The following CLEC4C variants were observed in gnomAD, a reference collection of about 807,000 sequenced individuals.
CLEC4C encodes C-type lectin domain family 4 member C.
In CLEC4C, 17 loss-of-function variants were observed where a neutral mutation model predicts 27.7. The observed-to-expected ratio is 0.61, with a 90% CI of 0.42 to 0.92. The LOEUF is 0.92. Ranked by LOEUF, CLEC4C falls within the 40% of genes least tolerant of loss-of-function variation. The probability of loss-of-function intolerance (pLI) is 0.00; values close to 1 mark genes in which losing one functional copy is unlikely to be tolerated. For synonymous variants in CLEC4C, 80 were observed against 80.8 expected (o/e 0.99, Z 0.06); for missense variants, 244 against 257.3 (o/e 0.95, Z 0.35).
intron 4 of CLEC4C, among the ~76,000 whole-genome samples, chr12:7,736,765 C>T (rs779494820): frequency 6.8e-4 from 103 of 151,934 alleles, no homozygotes; most frequent in African/African-American, 2.4e-3. Flanking sequence ...AAAAATTAGC[C>T]GGGCGTGGTG....
At chr12:7,743,130 A>G (rs928922481) in intron 2 of CLEC4C, among the ~76,000 whole-genome samples, 3 of 152,188 alleles carry the variant, frequency 2.0e-5, no homozygotes, top group African/African-American at 7.2e-5. Context: ...GTAGGTGTTC[A>G]GTAAGCATTT....
rs927474124 is a variant in CLEC4C at position 7,744,841 on chromosome 12, C to T, written c.124+1490G>A. Among the ~76,000 whole-genome samples the T allele has an allele frequency of 6.9e-4, 105 of 151,602 alleles. 2 individuals carry two copies. The Admixed American group carries it at 7.0e-3, about 10-fold the overall frequency. The stretch of plus-strand genomic sequence containing the variant: ...TGTTGCCCAGGCTGGTCTTGAACTC[C>T]TGTCCTCAAGCGATCCTCCCACCTG... On this transcript the variant is annotated intron_variant, in intron 2 of 5. Coordinates refer to ENST00000360345, the MANE Select transcript of CLEC4C (RefSeq NM_001371390.1).
At chr12:7,735,134 G>A (rs749166518) in intron 4 of CLEC4C, among the ~76,000 whole-genome samples, 1 of 151,908 alleles carries the variant, frequency 6.6e-6, no homozygotes, top group East Asian at 2.0e-4. Flanking sequence ...ACAGAAGTCA[G>A]AGGTTGCAGT....
At chr12:7,737,108 A>G (rs1040671299) in intron 4 of CLEC4C, among the ~76,000 whole-genome samples, 1 of 150,810 alleles carries the variant, frequency 6.6e-6, no homozygotes, top group African/African-American at 2.4e-5. Flanking sequence ...GTACATGCCT[A>G]TCCTCCCAGC....
At chr12:7,731,944 ACT>A (rs1338932881) in intron 4 of CLEC4C, among the ~76,000 whole-genome samples, 2 of 152,104 alleles carry the variant, frequency 1.3e-5, no homozygotes, top group African/African-American at 2.4e-5. Context: ...ACAGAATGAG[ACT>A]CTGTGTCCAA....
At chr12:7,744,311 C>A (rs1369810791) in intron 2 of CLEC4C, among the ~76,000 whole-genome samples, 2 of 152,194 alleles carry the variant, frequency 1.3e-5, no homozygotes, top group African/African-American at 4.8e-5. Context: ...ATAATTCTGC[C>A]TCTTGGGGTT....
In CLEC4C at chr12:7,741,095, T is replaced by G. The variant is rs190393011; in HGVS notation, c.235+326A>C. ...CGCCCGCCTCGGCCTCCCAAAGCGC[T>G]GGGATTACAGGCTTGAGCCACCGCG... On this transcript the variant is annotated intron_variant, in intron 3 of 5. Coordinates refer to ENST00000360345, the MANE Select transcript of CLEC4C (RefSeq NM_001371390.1). Among the ~76,000 whole-genome samples, 560 of 152,270 alleles carry G rather than the reference T, an allele frequency of 3.7e-3. 4 individuals are homozygous for G. The highest frequency in any genetic ancestry group is 0.012 in the African/African-American group (518 of 41,580).
At chr12:7,743,379 CT>C (rs375768241) in intron 2 of CLEC4C, among the ~76,000 whole-genome samples, 1,830 of 143,712 alleles carry the variant, frequency 0.013, 10 homozygotes, top group Middle Eastern at 0.04. Flanking sequence ...TCACTTAATT[CT>C]TTTTTTTTTT....
upstream of CLEC4C, chr12:7,747,459 G>T: frequency 9.3e-7 from 1 of 1,080,674 alleles, no homozygotes; most frequent in Non-Finnish European, 1.4e-6. Flanking sequence ...AACAAGCCAA[G>T]CCCTTAGATC....
intron 4 of CLEC4C, among the ~76,000 whole-genome samples, chr12:7,731,786 A>G (rs1856377051): frequency 6.6e-6 from 1 of 152,148 alleles, no homozygotes; most frequent in Non-Finnish European, 1.5e-5. Flanking sequence ...TGTAGTGAGG[A>G]AATTCTCCCT....
chr12:7,745,020 A>C (rs1864939226), intron 2 of CLEC4C, among the ~76,000 whole-genome samples: 1 of 152,062 alleles, frequency 6.6e-6, no homozygotes, highest in Non-Finnish European at 1.5e-5. Context: ...CCCAATAGAG[A>C]CTTTTTTAAA....
intron 2 of CLEC4C, among the ~76,000 whole-genome samples, chr12:7,741,768 C>T (rs1332769884): frequency 1.3e-5 from 2 of 152,112 alleles, no homozygotes; most frequent in African/African-American, 4.8e-5. Context: ...CAGTGGCTCA[C>T]ACCTGTAATC....
Position 7,744,575 on chromosome 12 carries a change from T to A in CLEC4C, c.124+1756A>T, listed in dbSNP as rs745722395. ...AGGGAGTAGCAATTAAATAATAGTT[T>A]ACTTTGTTTATTTTTCCATTGTATC... On this transcript the variant is annotated intron_variant, in intron 2 of 5. Transcript: ENST00000360345. Among the ~76,000 whole-genome samples the A allele has an allele frequency of 5.7e-4, 85 of 149,466 alleles. 1 individual carries two copies. The South Asian group carries it at 0.017, about 30-fold the overall frequency.
intron 4 of CLEC4C, among the ~76,000 whole-genome samples, chr12:7,733,547 T>C (rs1864648530): frequency 6.8e-6 from 1 of 147,886 alleles, no homozygotes; most frequent in African/African-American, 2.5e-5. Flanking sequence ...AGTGGCGAGA[T>C]CTTGGCTCAC....
At chr12:7,736,286 CAG>C (rs1407751619) in intron 4 of CLEC4C, among the ~76,000 whole-genome samples, 4 of 151,962 alleles carry the variant, frequency 2.6e-5, no homozygotes, top group Non-Finnish European at 5.9e-5. Flanking sequence ...GCCTGGGCAA[CAG>C]AGTGAGACTC....
chr12:7,741,218 G>A (rs1864847061), intron 3 of CLEC4C, among the ~76,000 whole-genome samples: 1 of 152,080 alleles, frequency 6.6e-6, no homozygotes, highest in Non-Finnish European at 1.5e-5. Context: ...CACCCACCTC[G>A]GCCTCCCAAA....
At chr12:7,746,548 A>G (rs1434672080) in intron 1 of CLEC4C, 125 bp from the exon 2 acceptor site, 1 of 611,534 alleles carries the variant, frequency 1.6e-6, no homozygotes. Context: ...AAACAGAAAA[A>G]ATGTGAAAGC....
rs141376544 is a variant in CLEC4C, at chr12:7,744,411, T to C, written c.124+1920A>G. 7.7e-3 allele frequency among the ~76,000 whole-genome samples: 1,166 copies of C among 152,318 alleles called. 11 individuals are homozygous for C. The highest frequency in any genetic ancestry group is 0.027 in the African/African-American group (1,110 of 41,576). ...TTTTACTTGACATAGGAAGTCATCG[T>C]ATTCAGTAACTTCCTCACAGATGTT... On this transcript the variant is annotated intron_variant, in intron 2 of 5. Coordinates refer to ENST00000360345, the MANE Select transcript of CLEC4C (RefSeq NM_001371390.1).
rs77889141 is a variant in CLEC4C, at chr12:7,737,444, G to T, written c.366C>A (p.Asn122Lys). 4,863 of 1,612,962 alleles carry T rather than the reference G, an allele frequency of 3.0e-3. 134 individuals carry two copies. In the African/African-American group the frequency reaches 0.058, roughly 19 times the overall value. Reference sequence around the variant, plus strand: ...TAGAACATACCTGTTCTTCCCTGGTGTTGATCACCACCAGATCAGCCCCCA... The same window carrying T: ...TAGAACATACCTGTTCTTCCCTGGTTTTGATCACCACCAGATCAGCCCCCA... ...SVMGADLVVI[N>K]TREEQDFIIQ... The change falls in exon 4 of 6, where the codon AAC (asparagine) becomes AAA (lysine). Residue 122 changes from asparagine (N) to lysine (K), a missense_variant. Asn to Lys is a moderately conservative substitution (Grantham distance 94, BLOSUM62 0). Transcript: ENST00000360345.
Sources: allele counts gnomAD v4.1 joint callset (sites outside exome capture counted in the v4.1 genomes callset), GRCh38; gene constraint gnomAD v4.1.1; transcripts MANE v1.5; gene names NCBI Gene and HGNC (gene_info 2026-07-23, HGNC 2026-07-21).